C1orf21: variants seen among roughly 807,000 people sequenced by gnomAD.
C1orf21 encodes uncharacterized protein C1orf21.
In C1orf21, 3 loss-of-function variants were observed where a neutral mutation model predicts 18.7. The ratio of observed to expected loss-of-function variants is 0.16; its 90% CI spans 0.07 to 0.42. C1orf21 has a LOEUF of 0.42. Among genes scored for constraint, C1orf21 ranks in the 10% least tolerant of loss-of-function variants. The probability of loss-of-function intolerance (pLI) is 0.99; values close to 1 mark genes in which losing one functional copy is unlikely to be tolerated. For synonymous variants in C1orf21, 41 were observed against 46.4 expected, an observed-to-expected ratio of 0.88 and a Z score of 0.47; for missense variants, 104 against 143.6, an observed-to-expected ratio of 0.72 and a Z score of 1.41.
intron 3 of C1orf21, among the ~76,000 whole-genome samples, chr1:184,544,686 A>T (rs1211824431): frequency 6.6e-6 from 1 of 152,246 alleles, no homozygotes; most frequent in East Asian, 1.9e-4. Flanking sequence ...AGCTTAAAAC[A>T]ACAAATATTT....
intron 1 of C1orf21, among the ~76,000 whole-genome samples, chr1:184,476,748 G>A (rs1469324453): frequency 1.3e-5 from 2 of 152,142 alleles, no homozygotes; most frequent in African/African-American, 2.4e-5. Context: ...GGCTAGCTAA[G>A]CAGAAAATGG....
rs1215827919 is a variant in C1orf21, at chr1:184,619,646, C to T, written c.*90C>T. On this transcript the variant is annotated 3_prime_UTR_variant, in exon 6 of 6. Transcript: ENST00000235307. ...CTTTGCAAAGGTCGGTTCTATTCAG[C>T]GAACAGCACTATAGCAAAAGAAGAT... The T allele has an allele frequency of 6.8e-6, 8 of 1,176,156 alleles. No individual in the cohort carries two copies. Among genetic ancestry groups the T allele is most frequent in the Admixed American group, 4.3e-5 (2 of 46,684 alleles). The allele number at this position is 1,176,156 out of a possible 1,614,324, so 72.9% of individuals were successfully genotyped here.
chr1:184,389,087 A>G (rs1433206061), intron 1 of C1orf21, among the ~76,000 whole-genome samples: 10 of 152,182 alleles, frequency 6.6e-5, no homozygotes, highest in African/African-American at 2.2e-4. Flanking sequence ...CGTTAAACCA[A>G]TGCTGGGACT....
At chr1:184,602,356 T>C (rs185816701) in intron 5 of C1orf21, among the ~76,000 whole-genome samples, 6 of 152,352 alleles carry the variant, frequency 3.9e-5, no homozygotes, top group Non-Finnish European at 1.5e-5. Flanking sequence ...TCAAAGAAGC[T>C]TGTAATCTGA....
intron 2 of C1orf21, among the ~76,000 whole-genome samples, chr1:184,490,343 G>A (rs1011124497): frequency 3.3e-5 from 5 of 152,230 alleles, no homozygotes; most frequent in African/African-American, 1.2e-4. Flanking sequence ...TAAGGCAAAA[G>A]GTCTCTTTTT....
chr1:184,451,462 ATTTTTT>A (rs374550435), intron 1 of C1orf21, among the ~76,000 whole-genome samples: 24 of 77,788 alleles, frequency 3.1e-4, no homozygotes, highest in Admixed American at 8.6e-4. Flanking sequence ...GGCTAATTTA[ATTTTTT>A]TTTTTTTTTT....
At chr1:184,446,496 G>A (rs886544779) in intron 1 of C1orf21, among the ~76,000 whole-genome samples, 2 of 152,040 alleles carry the variant, frequency 1.3e-5, no homozygotes, top group Admixed American at 6.6e-5. Flanking sequence ...ATATCCAAGT[G>A]CCAATCTGCA....
chr1:184,407,598 C>T (rs1329028004), intron 1 of C1orf21, among the ~76,000 whole-genome samples: 2 of 152,130 alleles, frequency 1.3e-5, no homozygotes, highest in African/African-American at 4.8e-5. Context: ...CCACAAACAC[C>T]ATTTCCCCCC....
chr1:184,612,916 AC>A (rs1659760385), intron 5 of C1orf21, among the ~76,000 whole-genome samples: 1 of 151,720 alleles, frequency 6.6e-6, no homozygotes, highest in Non-Finnish European at 1.5e-5. Context: ...TACTGTTGTT[AC>A]TCTCTTGCTG....
chr1:184,475,560 C>T (rs1171096946), intron 1 of C1orf21, among the ~76,000 whole-genome samples: 1 of 152,086 alleles, frequency 6.6e-6, no homozygotes, highest in Non-Finnish European at 1.5e-5. Flanking sequence ...TCTGCATTGC[C>T]ATAGATTCCT....
At chr1:184,594,648 G>A (rs1659489134) in intron 4 of C1orf21, among the ~76,000 whole-genome samples, 1 of 152,164 alleles carries the variant, frequency 6.6e-6, no homozygotes, top group African/African-American at 2.4e-5. Flanking sequence ...TGTGGGGAGG[G>A]CATTGTTCAC....
rs1408848082 is a variant in C1orf21 at position 184,622,242 on chromosome 1, G to A, written c.*2686G>A. 1 of 152,280 alleles carries A rather than the reference G, an allele frequency of 6.6e-6. No individual in the cohort carries two copies. The highest frequency in any genetic ancestry group is 1.5e-5 in the Non-Finnish European group (1 of 68,078). 9.4% of individuals were successfully genotyped at this position (152,280 alleles called of 1,614,324 possible). A position where few individuals can be genotyped will look rare whatever the true frequency, so the allele number is the denominator to read the frequency against. ...GGAGGAAGGGAGGGTAAGTGGCCTGGTGAGTGGAGGTAGAAAAATGATGAG... is the reference window on the plus strand; with the variant it reads ...GGAGGAAGGGAGGGTAAGTGGCCTGATGAGTGGAGGTAGAAAAATGATGAG... On this transcript the variant is annotated 3_prime_UTR_variant, in exon 6 of 6. Coordinates refer to ENST00000235307, the MANE Select transcript of C1orf21 (RefSeq NM_030806.4).
intron 3 of C1orf21, among the ~76,000 whole-genome samples, chr1:184,552,933 A>G (rs1198322136): frequency 6.6e-6 from 1 of 152,252 alleles, no homozygotes; most frequent in Non-Finnish European, 1.5e-5. Flanking sequence ...CATTTGGCCT[A>G]GAGAAGAGAC....
At position 184,397,501 on chromosome 1, in the gene C1orf21, T is replaced by G. The variant is rs375018721; in HGVS notation, c.-125+10133T>G. Among the ~76,000 whole-genome samples the G allele has an allele frequency of 7.2e-5, 11 of 152,060 alleles. No individual in the cohort carries two copies. In the South Asian group the frequency reaches 1.7e-3, roughly 23 times the overall value. On this transcript the variant is annotated intron_variant, in intron 1 of 5. Coordinates refer to ENST00000235307, the MANE Select transcript of C1orf21 (RefSeq NM_030806.4). ...CTTGGGAGGCTGAGGCAGGAGAATG[T>G]CGTGAACCCAGGAGGCAGAGCTTGC...
intron 1 of C1orf21, among the ~76,000 whole-genome samples, chr1:184,434,696 C>T (rs1322135274): frequency 6.6e-6 from 1 of 152,140 alleles, no homozygotes; most frequent in East Asian, 1.9e-4. Context: ...GCACCCATGA[C>T]AGGGTTCCAA....
intron 3 of C1orf21, among the ~76,000 whole-genome samples, chr1:184,562,968 G>A (rs1293540490): frequency 6.6e-6 from 1 of 152,194 alleles, no homozygotes; most frequent in African/African-American, 2.4e-5. Flanking sequence ...GACCAAAGTT[G>A]TGTCAGTTCA....
At chr1:184,435,729 A>G (rs538980833) in intron 1 of C1orf21, among the ~76,000 whole-genome samples, 2 of 152,334 alleles carry the variant, frequency 1.3e-5, no homozygotes, top group South Asian at 2.1e-4. Flanking sequence ...AGAGAAGGAC[A>G]TAGGAAAGGA....
intron 1 of C1orf21, among the ~76,000 whole-genome samples, chr1:184,417,976 G>T (rs1571348548): frequency 6.6e-6 from 1 of 152,182 alleles, no homozygotes; most frequent in Non-Finnish European, 1.5e-5. Context: ...TTCAGGAGTT[G>T]GTTAAGGTGG....
chr1:184,488,433 C>T (rs770785137), intron 2 of C1orf21, among the ~76,000 whole-genome samples: 1 of 152,106 alleles, frequency 6.6e-6, no homozygotes, highest in Admixed American at 6.5e-5. Context: ...GAGTAAAGCA[C>T]CATGAGAGGG....
Sources: gnomAD v4.1 joint callset for allele counts (sites outside exome capture counted in the v4.1 genomes callset) on GRCh38, gnomAD v4.1.1 for gene constraint, MANE v1.5 for transcripts, NCBI Gene and HGNC (gene_info 2026-07-23, HGNC 2026-07-21) for gene names.